Variants in DLGAP2 observed in about 807,000 individuals in gnomAD.
DLGAP2 encodes the protein disks large-associated protein 2.
In DLGAP2, 26 loss-of-function variants were observed where a neutral mutation model predicts 100.3. That is an observed-to-expected ratio of 0.26 (90% CI 0.19 to 0.36). The LOEUF (loss-of-function observed/expected upper bound fraction) is 0.36, where lower values mean the gene tolerates loss of function less well. DLGAP2 is among the 10% of genes least tolerant of loss of function. The probability of loss-of-function intolerance (pLI) is 1.00; values close to 1 mark genes in which losing one functional copy is unlikely to be tolerated. For synonymous variants in DLGAP2, 886 were observed against 630.1 expected (o/e 1.41, Z -6.08); for missense variants, 1,858 against 1,453.2 (o/e 1.28, Z -4.53).
intron 3 of DLGAP2, among the ~76,000 whole-genome samples, chr8:1,370,084 C>T (rs977426774): frequency 5.9e-5 from 9 of 152,196 alleles, no homozygotes; most frequent in African/African-American, 1.4e-4. Flanking sequence ...CTAACACTGT[C>T]CCTAGGCAGC....
At chr8:1,207,956 C>G (rs1284847528) in intron 2 of DLGAP2, among the ~76,000 whole-genome samples, 2 of 152,084 alleles carry the variant, frequency 1.3e-5, no homozygotes, top group African/African-American at 2.4e-5. Context: ...CTTGAAGATT[C>G]TGGATATGAG....
intron 3 of DLGAP2, among the ~76,000 whole-genome samples, chr8:1,334,771 A>G (rs1235582597): frequency 3.3e-5 from 5 of 152,176 alleles, no homozygotes; most frequent in Non-Finnish European, 5.9e-5. Flanking sequence ...GAGAAGCCAT[A>G]ATGTAACATG....
Position 988,770 on chromosome 8 carries a change from C to A in DLGAP2, c.73+80804C>A, listed in dbSNP as rs574413814. Among the ~76,000 whole-genome samples the A allele has an allele frequency of 6.6e-5, 10 of 152,176 alleles. No individual in the cohort carries two copies. The South Asian group carries it at 8.3e-4, about 13-fold the overall frequency. On this transcript the variant is annotated intron_variant, in intron 2 of 14. Coordinates refer to ENST00000637795, the MANE Select transcript of DLGAP2 (RefSeq NM_001346810.2). ...CACCCTCCCTAGACCCAGGGCCTGTCCCCCGGGGACCTGGTGAGTGCATGG... is the reference window on the plus strand; with the variant it reads ...CACCCTCCCTAGACCCAGGGCCTGTACCCCGGGGACCTGGTGAGTGCATGG...
intron 5 of DLGAP2, among the ~76,000 whole-genome samples, chr8:1,558,879 TAC>T (rs757120711): frequency 3.3e-5 from 5 of 151,004 alleles, no homozygotes; most frequent in South Asian, 2.1e-4. Context: ...ATACGTACTT[TAC>T]ACACACACAC....
chr8:779,293 C>T (rs907635291), intron 1 of DLGAP2, among the ~76,000 whole-genome samples: 3 of 152,214 alleles, frequency 2.0e-5, no homozygotes, highest in Admixed American at 6.5e-5. Flanking sequence ...GCAGAAATCA[C>T]CCGTCTTCTG....
intron 2 of DLGAP2, among the ~76,000 whole-genome samples, chr8:982,867 G>C (rs1198935337): frequency 6.8e-6 from 1 of 146,366 alleles, no homozygotes; most frequent in Non-Finnish European, 1.5e-5. Context: ...TACACTCTAG[G>C]AATTTTAAAG....
chr8:850,300 T>G (rs748110007), intron 1 of DLGAP2, among the ~76,000 whole-genome samples: 15 of 152,186 alleles, frequency 9.9e-5, no homozygotes, highest in Non-Finnish European at 1.6e-4. Flanking sequence ...CTTTTGGAGT[T>G]TATCTCAAAG....
At chr8:1,098,228 A>G (rs1310000259) in intron 2 of DLGAP2, among the ~76,000 whole-genome samples, 1 of 152,224 alleles carries the variant, frequency 6.6e-6, no homozygotes, top group African/African-American at 2.4e-5. Flanking sequence ...ACTCCTCCGC[A>G]CACCAGTTTG....
At chr8:1,496,848 G>T (rs1799563323) in intron 3 of DLGAP2, among the ~76,000 whole-genome samples, 1 of 152,178 alleles carries the variant, frequency 6.6e-6, no homozygotes, top group Non-Finnish European at 1.5e-5. Context: ...GCTGGAGGAG[G>T]GTTGGGTGTT....
intron 5 of DLGAP2, among the ~76,000 whole-genome samples, chr8:1,559,474 T>G (rs1802084254): frequency 6.6e-6 from 1 of 152,234 alleles, no homozygotes; most frequent in South Asian, 2.1e-4. Context: ...GGTACTTGAA[T>G]TCATGCTTTG....
chr8:1,628,875 C>T (rs1483393008), intron 7 of DLGAP2, among the ~76,000 whole-genome samples: 1 of 152,268 alleles, frequency 6.6e-6, no homozygotes, highest in Non-Finnish European at 1.5e-5. Flanking sequence ...AAGGCCTGGG[C>T]TTTCTGTGCC....
intron 4 of DLGAP2, among the ~76,000 whole-genome samples, chr8:1,540,372 C>A (rs6981846): frequency 2.0e-5 from 3 of 152,168 alleles, no homozygotes; most frequent in South Asian, 2.1e-4. Flanking sequence ...TACCACGGTA[C>A]CTTGTTTGCA....
chr8:1,334,523 A>G (rs185875302), intron 3 of DLGAP2, among the ~76,000 whole-genome samples: 27 of 152,280 alleles, frequency 1.8e-4, no homozygotes, highest in African/African-American at 6.3e-4. Context: ...TATGATTCCT[A>G]AAGCTGCTTC....
At chr8:1,413,192 T>TCTGTAGCAC (rs745743258) in intron 3 of DLGAP2, among the ~76,000 whole-genome samples, 1 of 152,202 alleles carries the variant, frequency 6.6e-6, no homozygotes, top group Non-Finnish European at 1.5e-5. Context: ...CTCCCTCCTC[T>TCTGTAGCAC]CTGTAGCACC....
At chr8:979,696 T>C (rs929736186) in intron 2 of DLGAP2, among the ~76,000 whole-genome samples, 6 of 152,216 alleles carry the variant, frequency 3.9e-5, no homozygotes, top group African/African-American at 9.6e-5. Context: ...GAAGCATGGC[T>C]ATCCACCCAA....
intron 1 of DLGAP2, among the ~76,000 whole-genome samples, chr8:798,847 G>T (rs1796090436): frequency 6.6e-6 from 1 of 150,718 alleles, no homozygotes; most frequent in Admixed American, 6.6e-5. Flanking sequence ...GCAAACGCTT[G>T]TTGAGTCAGG....
intron 6 of DLGAP2, among the ~76,000 whole-genome samples, chr8:1,598,094 A>C (rs1796515044): frequency 6.6e-6 from 1 of 152,202 alleles, no homozygotes; most frequent in African/African-American, 2.4e-5. Flanking sequence ...ATTTTATTGC[A>C]GGCCTTCTCT....
chr8:1,391,833 A>G lies in DLGAP2; in HGVS notation c.107-109533A>G, dbSNP rs146981179. Among the ~76,000 whole-genome samples the G allele has an allele frequency of 3.6e-3, 556 of 152,348 alleles. 6 individuals carry two copies. The highest frequency in any genetic ancestry group is 0.012 in the African/African-American group (519 of 41,580). On this transcript the variant is annotated intron_variant, in intron 3 of 14. Coordinates refer to ENST00000637795, the MANE Select transcript of DLGAP2 (RefSeq NM_001346810.2). ...TCATTTCATTAAGCGGAAGCAGCAA[A>G]TGTGTTGCTGCATCTCCAAGACCCG...
At chr8:1,013,103 C>T (rs1287987308) in intron 2 of DLGAP2, among the ~76,000 whole-genome samples, 1 of 152,134 alleles carries the variant, frequency 6.6e-6, no homozygotes, top group Non-Finnish European at 1.5e-5. Context: ...TCTTTGTGGT[C>T]CATTATTATG....
Sources: allele counts gnomAD v4.1 joint callset (sites outside exome capture counted in the v4.1 genomes callset), GRCh38; gene constraint gnomAD v4.1.1; transcripts MANE v1.5; gene names NCBI Gene and HGNC (gene_info 2026-07-23, HGNC 2026-07-21).